C5orf63: variants seen among roughly 807,000 people sequenced by gnomAD.
C5orf63 encodes glutaredoxin-like protein C5orf63.
C5orf63 carries 18 observed loss-of-function variants against 13.3 expected under a neutral mutation model. The observed-to-expected ratio is 1.36, with a 90% CI of 0.94 to 2.01. The LOEUF is 2.01. C5orf63 is among the 30% of genes most tolerant of loss of function. The pLI, the probability that C5orf63 is intolerant of heterozygous loss-of-function variation, is 0.00. For missense variants in C5orf63, 118 were observed against 127.7 expected, an observed-to-expected ratio of 0.92 and a Z score of 0.36; for synonymous variants, 38 against 44.7, an observed-to-expected ratio of 0.85 and a Z score of 0.60.
downstream of C5orf63, chr5:127,046,812 G>T (rs986254059): frequency 7.9e-5 from 12 of 152,288 alleles, no homozygotes; most frequent in African/African-American, 2.7e-4. Flanking sequence ...AGAAAGGTTA[G>T]CAGTAATGAT....
At chr5:127,055,624 T>C (rs1409252007) in intron 3 of C5orf63, among the ~76,000 whole-genome samples, 8 of 152,204 alleles carry the variant, frequency 5.3e-5, no homozygotes, top group Non-Finnish European at 1.2e-4. Flanking sequence ...TATCATGTTA[T>C]TATTAGCATT....
intron 3 of C5orf63, among the ~76,000 whole-genome samples, chr5:127,054,038 G>A (rs1753785915): frequency 6.6e-6 from 1 of 152,006 alleles, no homozygotes; most frequent in South Asian, 2.1e-4. Flanking sequence ...TTTCAGAGAA[G>A]GTTTCAAAAA....
chr5:127,065,883 G>A (rs1269390811), intron 2 of C5orf63, among the ~76,000 whole-genome samples: 1 of 152,142 alleles, frequency 6.6e-6, no homozygotes, highest in Admixed American at 6.6e-5. Context: ...AGGTGTTGGG[G>A]TATGGTGATG....
intron 2 of C5orf63, among the ~76,000 whole-genome samples, chr5:127,069,226 G>A (rs1188495903): frequency 2.0e-5 from 3 of 152,070 alleles, no homozygotes; most frequent in South Asian, 4.2e-4. Flanking sequence ...TTCAAGGGAT[G>A]GGAAAAAAGT....
At position 127,052,602 on chromosome 5, in the gene C5orf63, T is replaced by C; in HGVS notation, c.171+11A>G. On this transcript the variant is annotated intron_variant, in intron 4 of 4. Coordinates refer to ENST00000296662, the MANE Select transcript of C5orf63 (RefSeq NM_001164478.2). ...ATCCATATACATAAAAGCCACACTG[T>C]ATTATATTACCCTGTTTTCATAAGG... is the stretch of plus-strand genomic sequence containing the variant. The C allele has an allele frequency of 6.7e-7, 1 of 1,482,090 alleles. No individual in the cohort carries two copies. The highest frequency in any genetic ancestry group is 2.6e-5 in the East Asian group (1 of 38,886). The allele number at this position is 1,482,090 out of a possible 1,614,324, so 91.8% of individuals were successfully genotyped here.
At chr5:127,057,662 A>G (rs1057424761) in intron 3 of C5orf63, among the ~76,000 whole-genome samples, 2 of 152,226 alleles carry the variant, frequency 1.3e-5, no homozygotes, top group African/African-American at 4.8e-5. Flanking sequence ...AGACATGCAC[A>G]TGCATAGACT....
At chr5:127,070,298 AAG>A (rs1312899821) in intron 2 of C5orf63, among the ~76,000 whole-genome samples, 3 of 152,206 alleles carry the variant, frequency 2.0e-5, no homozygotes, top group Non-Finnish European at 4.4e-5. Flanking sequence ...TTAAGAAACA[AAG>A]AGTTTTAAAA....
chr5:127,067,616 A>G (rs577210394), intron 2 of C5orf63, among the ~76,000 whole-genome samples: 14 of 152,208 alleles, frequency 9.2e-5, no homozygotes, highest in Non-Finnish European at 1.6e-4. Flanking sequence ...AGGTACTGAA[A>G]TTTAGATTTT....
chr5:127,066,424 T>C (rs549357988), intron 2 of C5orf63, among the ~76,000 whole-genome samples: 1 of 152,150 alleles, frequency 6.6e-6, no homozygotes, highest in East Asian at 1.9e-4. Context: ...TGAGACGGGA[T>C]GGTATGGACT....
At chr5:127,072,085 G>A (rs1265473144) in intron 1 of C5orf63, 1 of 152,158 alleles carries the variant, frequency 6.6e-6, no homozygotes, top group African/African-American at 2.4e-5. Flanking sequence ...CTTGGCATGT[G>A]GCTACTGCTG....
intron 2 of C5orf63, among the ~76,000 whole-genome samples, chr5:127,060,436 A>G (rs1295277070): frequency 6.6e-6 from 1 of 152,210 alleles, no homozygotes; most frequent in African/African-American, 2.4e-5. Context: ...TGCTACAGTC[A>G]TTCTGTTTAA....
chr5:127,058,237 T>G (rs958841135), intron 3 of C5orf63, among the ~76,000 whole-genome samples: 2 of 152,126 alleles, frequency 1.3e-5, no homozygotes, highest in East Asian at 3.9e-4. Flanking sequence ...TTCCCCTCTT[T>G]GTGTGCATGT....
intron 2 of C5orf63, among the ~76,000 whole-genome samples, chr5:127,068,616 A>T (rs1192181331): frequency 6.6e-6 from 1 of 152,194 alleles, no homozygotes; most frequent in East Asian, 1.9e-4. Context: ...CCCATCCAGA[A>T]ACACTGCTGT....
At chr5:127,046,953 T>A (rs575727435), downstream of C5orf63, 1 of 152,250 alleles carries the variant, frequency 6.6e-6, no homozygotes, top group Admixed American at 6.5e-5. Flanking sequence ...TTTTGGGTGG[T>A]TCTTTAATTG....
intron 2 of C5orf63, among the ~76,000 whole-genome samples, 152 bp from the exon 3 acceptor site, chr5:127,059,154 A>G (rs887221856): frequency 6.6e-6 from 1 of 152,208 alleles, no homozygotes; most frequent in Non-Finnish European, 1.5e-5. Context: ...TAAATTTGGC[A>G]AGTCTCTCTG....
At chr5:127,068,095 G>C (rs1266553814) in intron 2 of C5orf63, among the ~76,000 whole-genome samples, 1 of 152,066 alleles carries the variant, frequency 6.6e-6, no homozygotes, top group Non-Finnish European at 1.5e-5. Context: ...TAAAGCCTCA[G>C]TTTCAGCCAC....
At chr5:127,073,097 T>C (rs967376896) in intron 1 of C5orf63, 3 of 151,846 alleles carry the variant, frequency 2.0e-5, no homozygotes, top group African/African-American at 7.3e-5. Flanking sequence ...TACCACTTCA[T>C]AGAATTCAAT....
chr5:127,050,531 G>A (rs776284691), downstream of C5orf63, among the ~76,000 whole-genome samples: 6 of 152,106 alleles, frequency 3.9e-5, no homozygotes, highest in Non-Finnish European at 8.8e-5. Flanking sequence ...TGGGGATGCT[G>A]TATGTGAGAT....
chr5:127,060,486 A>G (rs1405716823), intron 2 of C5orf63, among the ~76,000 whole-genome samples: 1 of 152,168 alleles, frequency 6.6e-6, no homozygotes, highest in African/African-American at 2.4e-5. Flanking sequence ...TGTCCTGAAA[A>G]CTGTAAATAT....
Sources: gnomAD v4.1 joint callset for allele counts (sites outside exome capture counted in the v4.1 genomes callset) on GRCh38, gnomAD v4.1.1 for gene constraint, MANE v1.5 for transcripts, NCBI Gene and HGNC (gene_info 2026-07-23, HGNC 2026-07-21) for gene names.